The following TTPAL variants were observed in gnomAD, a reference collection of about 807,000 sequenced individuals.
TTPAL encodes alpha tocopherol transfer protein like.
A neutral mutation model predicts 28.7 loss-of-function variants in TTPAL; 21 were observed. That is an observed-to-expected ratio of 0.73 (90% CI 0.52 to 1.06). The LOEUF (loss-of-function observed/expected upper bound fraction) is 1.06, where lower values mean the gene tolerates loss of function less well. Among genes scored for constraint, TTPAL ranks in the 50% least tolerant of loss-of-function variants. TTPAL has a pLI of 0.00. For synonymous variants in TTPAL, 169 were observed against 171.9 expected, an observed-to-expected ratio of 0.98 and a Z score of 0.13; for missense variants, 345 against 425.5, an observed-to-expected ratio of 0.81 and a Z score of 1.67.
rs748100004 is a variant in TTPAL, at chr20:44,489,227, T to C, written c.751-36T>C. On this transcript the variant is annotated intron_variant, in intron 4 of 4. Transcript: ENST00000262605. ...GAGATTTCTGCATTCCTGATTAACC[T>C]AAGGACATGTGTGTTTTCATTTCAT... 3 of 1,595,294 alleles carry C rather than the reference T, an allele frequency of 1.9e-6. No individual in the cohort carries two copies. In the South Asian group the frequency reaches 3.4e-5, roughly 18 times the overall value.
At chr20:44,482,223 A>G (rs1162540229) in intron 2 of TTPAL, among the ~76,000 whole-genome samples, 1 of 152,200 alleles carries the variant, frequency 6.6e-6, no homozygotes, top group African/African-American at 2.4e-5. Flanking sequence ...AAGCTGGCAC[A>G]ATTTGGGGAC....
In TTPAL at chr20:44,491,565, C is replaced by G. The variant is rs2064206499; in HGVS notation, c.*2024C>G. ...TTAAGTTACTTAACCTCATTAATAC[C>G]AATTCTAGAGAAAGTTCTTTTCACC... is the stretch of plus-strand genomic sequence containing the variant. On this transcript the variant is annotated 3_prime_UTR_variant, in exon 5 of 5. Transcript: ENST00000262605. 1 of 152,262 alleles carries G rather than the reference C, an allele frequency of 6.6e-6. No homozygotes were observed. Among genetic ancestry groups the G allele is most frequent in the Non-Finnish European group, 1.5e-5 (1 of 68,018 alleles). 9.4% of individuals were successfully genotyped at this position (152,262 alleles called of 1,614,324 possible).
Position 44,486,686 on chromosome 20 carries a change from AAGGAGAAAATAGCAAACAG to A in TTPAL, c.733_750+1del. 1 of 1,607,244 alleles carries A rather than the reference AAGGAGAAAATAGCAAACAG, an allele frequency of 6.2e-7. No homozygotes were observed. The highest frequency in any genetic ancestry group is 8.5e-7 in the Non-Finnish European group (1 of 1,174,154). On this transcript the variant is annotated frameshift_variant and splice_region_variant, in exon 4 of 5. Coordinates refer to ENST00000262605, the MANE Select transcript of TTPAL (RefSeq NM_001039199.3). LOFTEE classifies it high-confidence loss of function. The stretch of plus-strand genomic sequence containing the variant: ...TTTTGCCATCATAAAACCATTTCTA[AAGGAGAAAATAGCAAACAG>A]AGTAAGTGATGATCCTATTGACTTC...
chr20:44,493,369 T>C lies in TTPAL; in HGVS notation c.*3828T>C, dbSNP rs988250238. 6.6e-6 allele frequency: 1 copy of C among 152,336 alleles called. No individual in the cohort carries two copies. The highest frequency in any genetic ancestry group is 2.4e-5 in the African/African-American group (1 of 41,452). The allele number at this position is 152,336 out of a possible 1,614,324, so 9.4% of individuals were successfully genotyped here. A position where few individuals can be genotyped will look rare whatever the true frequency, so the allele number is the denominator to read the frequency against. On this transcript the variant is annotated 3_prime_UTR_variant, in exon 5 of 5. Coordinates refer to ENST00000262605, the MANE Select transcript of TTPAL (RefSeq NM_001039199.3). The stretch of plus-strand genomic sequence containing the variant: ...AGGCTTTTCTCTGAATTCCTTTATA[T>C]TGAGCCTTTCAGAATTCTCCCTGGG...
chr20:44,480,029 C>T lies in TTPAL; in HGVS notation c.30C>T (p.Thr10=), dbSNP rs1197410625. 1 of 1,613,864 alleles carries T rather than the reference C, an allele frequency of 6.2e-7. No individual in the cohort carries two copies. The highest frequency in any genetic ancestry group is 1.7e-5 in the Admixed American group (1 of 60,020). MSEESDSLR[T]SPSVASLSEN... ...CCGAAGAAAGTGACTCTCTGAGAAC[C>T]AGCCCTTCTGTGGCCTCACTCTCTG... The change falls in exon 2 of 5, where the codon ACC becomes ACT. Residue 10 remains threonine, a synonymous_variant. Transcript: ENST00000262605. This position sits in a 1 kb window ranked among gnomAD's most constrained non-coding sequence, Gnocchi z 4.1.
Position 44,480,258 on chromosome 20 carries a change from GC to G in TTPAL, c.262del (p.Arg88AlafsTer29). On this transcript the variant is annotated frameshift_variant, in exon 2 of 5. Transcript: ENST00000262605. LOFTEE classifies it high-confidence loss of function. The surrounding 1 kb of genome is among the most constrained non-coding windows in gnomAD (Gnocchi z 4.1). ...TGCCTTCCTGCTGCGCTTCCTCCGAGCCCGCAAGTTTGATTACGACCGGGCC... is the reference window on the plus strand; with the variant it reads ...TGCCTTCCTGCTGCGCTTCCTCCGAGCCGCAAGTTTGATTACGACCGGGCC... ...DDAFLLRFLR[A>X]RKFDYDRALQ... The G allele has an allele frequency of 6.2e-7, 1 of 1,614,156 alleles. No homozygotes were observed. Among genetic ancestry groups the G allele is most frequent in the Non-Finnish European group, 8.5e-7 (1 of 1,180,028 alleles).
In TTPAL at chr20:44,486,622, A is replaced by T. The variant is rs577274562; in HGVS notation, c.666A>T (p.Ala222=). ...ATGGTTTCCCCATTCGGATAAAAGC[A>T]GTCCATGTGGTGAATGAACCTCGAA... is the stretch of plus-strand genomic sequence containing the variant. The part of the protein sequence containing the change: ...LQDGFPIRIK[A]VHVVNEPRIF... Residue 222 remains alanine, a synonymous_variant, in exon 4 of 5, where the codon GCA becomes GCT. Coordinates refer to ENST00000262605, the MANE Select transcript of TTPAL (RefSeq NM_001039199.3). 1 of 1,612,958 alleles carries T rather than the reference A, an allele frequency of 6.2e-7. No homozygotes were observed. Among genetic ancestry groups the T allele is most frequent in the Non-Finnish European group, 8.5e-7 (1 of 1,179,512 alleles).
At position 44,484,512 on chromosome 20, in the gene TTPAL, G is replaced by A; in HGVS notation, c.621G>A (p.Lys207=). Reference sequence around the variant, plus strand: ...ACTTTGGCCCTTTTATAGCCAAAAAGGTGATTGGCATCCTCCAGGTAAGAC... The same window carrying A: ...ACTTTGGCCCTTTTATAGCCAAAAAAGTGATTGGCATCCTCCAGGTAAGAC... ...ASHFGPFIAK[K]VIGILQDGFP... Residue 207 remains lysine, a synonymous_variant, in exon 3 of 5, where the codon AAG becomes AAA. Transcript: ENST00000262605. 1 of 1,578,562 alleles carries A rather than the reference G, an allele frequency of 6.3e-7. No individual in the cohort carries two copies. The highest frequency in any genetic ancestry group is 8.7e-7 in the Non-Finnish European group (1 of 1,151,526).
rs2064038375 is a variant in TTPAL, at chr20:44,475,992, G to C, written c.-16+1G>C. Reference sequence around the variant, plus strand: ...CCGCGCTCCGCCCGTAGTCGGGCCGGTGAGTGCCCGCGAGCCCATCCGTGT... The same window carrying C: ...CCGCGCTCCGCCCGTAGTCGGGCCGCTGAGTGCCCGCGAGCCCATCCGTGT... On this transcript the variant is annotated splice_donor_variant, in intron 1 of 4. Coordinates refer to ENST00000262605, the MANE Select transcript of TTPAL (RefSeq NM_001039199.3). LOFTEE classifies it low-confidence loss of function (5UTR_SPLICE). 1 of 152,372 alleles carries C rather than the reference G, an allele frequency of 6.6e-6. No homozygotes were observed. 9.4% of individuals were successfully genotyped at this position (152,372 alleles called of 1,614,324 possible).
rs977730533 is a variant in TTPAL, at chr20:44,494,360, G to A, written c.*4819G>A. ...TGACCAAGAGCCTCTGATGGAGTGGGAGGTGAGCTAATTCTCTGACCAGCT... is the reference window on the plus strand; with the variant it reads ...TGACCAAGAGCCTCTGATGGAGTGGAAGGTGAGCTAATTCTCTGACCAGCT... On this transcript the variant is annotated 3_prime_UTR_variant, in exon 5 of 5. Transcript: ENST00000262605. 14 of 152,864 alleles carry A rather than the reference G, an allele frequency of 9.2e-5. No individual in the cohort carries two copies. The highest frequency in any genetic ancestry group is 2.9e-4 in the African/African-American group (12 of 41,548). 9.5% of individuals were successfully genotyped at this position (152,864 alleles called of 1,614,324 possible).
At chr20:44,489,189 A>G in intron 4 of TTPAL, 74 bp from the exon 5 acceptor site, 4 of 1,474,678 alleles carry the variant, frequency 2.7e-6, no homozygotes, top group Non-Finnish European at 3.7e-6. Context: ...TTATTTGAGC[A>G]CCTACCATGG....
chr20:44,489,674 T>C lies in TTPAL; in HGVS notation c.*133T>C. The C allele has an allele frequency of 2.0e-6, 2 of 1,025,354 alleles. No individual in the cohort carries two copies. Among genetic ancestry groups the C allele is most frequent in the South Asian group, 1.7e-5 (1 of 58,640 alleles). The allele number at this position is 1,025,354 out of a possible 1,614,324, so 63.5% of individuals were successfully genotyped here. On this transcript the variant is annotated 3_prime_UTR_variant, in exon 5 of 5. Transcript: ENST00000262605. ...TGCAGGATGGAGGAACAGCCTGAGA[T>C]ATGAGCATGAGCCCATTTTGGGGTA...
rs2064189715 is a variant in TTPAL at position 44,489,958 on chromosome 20, G to C, written c.*417G>C. Reference sequence around the variant, plus strand: ...GAGAACTACTTGTATGAAATAATTTGGCCAAACCTTCAGTGTGACCAAATG... The same window carrying C: ...GAGAACTACTTGTATGAAATAATTTCGCCAAACCTTCAGTGTGACCAAATG... On this transcript the variant is annotated 3_prime_UTR_variant, in exon 5 of 5. Coordinates refer to ENST00000262605, the MANE Select transcript of TTPAL (RefSeq NM_001039199.3). 1 of 185,450 alleles carries C rather than the reference G, an allele frequency of 5.4e-6. No individual in the cohort carries two copies. Among genetic ancestry groups the C allele is most frequent in the Non-Finnish European group, 1.2e-5 (1 of 86,812 alleles). The allele number at this position is 185,450 out of a possible 1,614,324, so 11.5% of individuals were successfully genotyped here. A position where few individuals can be genotyped will look rare whatever the true frequency, so the allele number is the denominator to read the frequency against.
rs1382996510 is a variant in TTPAL at position 44,480,608 on chromosome 20, A to G, written c.445+164A>G. On this transcript the variant is annotated intron_variant, in intron 2 of 4. Transcript: ENST00000262605. The surrounding 1 kb of genome is among the most constrained non-coding windows in gnomAD (Gnocchi z 4.1). ...AAACCTACTCAAACCAACTTCAGAA[A>G]AAAGGGAGGATTTAGTCGAAGGAGA... 1.3e-5 allele frequency among the ~76,000 whole-genome samples: 2 copies of G among 152,270 alleles called. No individual in the cohort carries two copies. The highest frequency in any genetic ancestry group is 4.8e-5 in the African/African-American group (2 of 41,560).
chr20:44,486,342 A>G (rs1178205231), intron 3 of TTPAL: 1 of 279,716 alleles, frequency 3.6e-6, no homozygotes, highest in Non-Finnish European at 6.7e-6. Flanking sequence ...TCGGCCTCCC[A>G]AACTGCTGGG....
In TTPAL at chr20:44,480,076, C is replaced by T. The variant is rs143383194; in HGVS notation, c.77C>T (p.Pro26Leu). ...TCTGAAAATGAGCTGCCACCACCAC[C>T]TGAGCCTCCGGGCTATGTGTGCTCA... ...SLSENELPPP[P>L]EPPGYVCSLT... The change falls in exon 2 of 5, where the codon CCT (proline) becomes CTT (leucine). Residue 26 changes from proline (P) to leucine (L), a missense_variant. Pro to Leu is a moderately conservative substitution (Grantham distance 98). Coordinates refer to ENST00000262605, the MANE Select transcript of TTPAL (RefSeq NM_001039199.3). This position sits in a 1 kb window ranked among gnomAD's most constrained non-coding sequence, Gnocchi z 4.1. 6.2e-7 allele frequency: 1 copy of T among 1,614,120 alleles called. No individual in the cohort carries two copies. The highest frequency in any genetic ancestry group is 1.7e-5 in the Admixed American group (1 of 60,002).
chr20:44,486,852 T>C, intron 4 of TTPAL, 146 bp downstream of exon 4: 1 of 584,238 alleles, frequency 1.7e-6, no homozygotes. Flanking sequence ...ACAGTCCCTT[T>C]TGTGAGGAGA....
Position 44,489,311 on chromosome 20 carries a change from A to T in TTPAL, c.799A>T (p.Arg267Ter). Residue 267 changes from arginine to a stop codon, truncating the protein, a stop_gained, in exon 5 of 5, where the codon AGA becomes TGA. Coordinates refer to ENST00000262605, the MANE Select transcript of TTPAL (RefSeq NM_001039199.3). LOFTEE classifies it high-confidence loss of function. Reference sequence around the variant, plus strand: ...GAACTCTCTCCACACAAACCTTCCAAGAAGCATCCTCCCCAAGGAGTATGG... The same window carrying T: ...GAACTCTCTCCACACAAACCTTCCATGAAGCATCCTCCCCAAGGAGTATGG... ...DLNSLHTNLP[R>*]SILPKEYGGT... is the part of the protein sequence containing the mutation. 3 of 1,614,126 alleles carry T rather than the reference A, an allele frequency of 1.9e-6. No homozygotes were observed. Among genetic ancestry groups the T allele is most frequent in the Non-Finnish European group, 2.5e-6 (3 of 1,180,030 alleles).
intron 2 of TTPAL, among the ~76,000 whole-genome samples, chr20:44,483,992 A>G (rs1235288349): frequency 6.6e-6 from 1 of 152,072 alleles, no homozygotes; most frequent in African/African-American, 2.4e-5. Context: ...GGGTTTCGCC[A>G]TGTTGCCTGG....
Sources: gnomAD v4.1 joint callset for allele counts (sites outside exome capture counted in the v4.1 genomes callset) on GRCh38, gnomAD v4.1.1 for gene constraint, Gnocchi (gnomAD v3.1) non-coding constraint, MANE v1.5 for transcripts, NCBI Gene and HGNC (gene_info 2026-07-23, HGNC 2026-07-21) for gene names.